SAMM50: variants seen among roughly 807,000 people sequenced by gnomAD.
The protein encoded by SAMM50 is SAMM50 sorting and assembly machinery component.
SAMM50 carries 47 observed loss-of-function variants against 66.9 expected under a neutral mutation model. The observed-to-expected ratio is 0.70, with a 90% CI of 0.56 to 0.90. SAMM50 has a LOEUF of 0.90. Among genes scored for constraint, SAMM50 ranks in the 40% least tolerant of loss-of-function variants. The probability of loss-of-function intolerance (pLI) is 0.00; values close to 1 mark genes in which losing one functional copy is unlikely to be tolerated. For missense variants in SAMM50, 535 were observed against 595.3 expected (o/e 0.90, Z 1.05); for synonymous variants, 191 against 214.1 (o/e 0.89, Z 0.94).
chr22:43,978,094 G>A (rs1052836332), intron 10 of SAMM50, 136 bp downstream of exon 10: 2 of 602,508 alleles, frequency 3.3e-6, no homozygotes, highest in South Asian at 4.2e-5. Flanking sequence ...GATGTTTCCA[G>A]TTTAGCCAGA....
chr22:43,991,663 G>A (rs2050325694), intron 14 of SAMM50, among the ~76,000 whole-genome samples: 1 of 152,208 alleles, frequency 6.6e-6, no homozygotes, highest in Non-Finnish European at 1.5e-5. Context: ...GAGTATTTAA[G>A]AGTGACTTAA....
At chr22:43,962,799 C>T (rs964752744) in intron 1 of SAMM50, among the ~76,000 whole-genome samples, 2 of 150,506 alleles carry the variant, frequency 1.3e-5, no homozygotes, top group Non-Finnish European at 2.9e-5. Context: ...TTCCATCGGG[C>T]CTCAGATGTC....
intron 12 of SAMM50, chr22:43,988,416 T>C (rs1401658769): frequency 6.6e-6 from 1 of 152,250 alleles, no homozygotes; most frequent in Non-Finnish European, 1.5e-5. Context: ...AATGGTATTT[T>C]GCAACAAAGT....
At chr22:43,969,017 C>CTTGCTGTA (rs1337704463) in intron 4 of SAMM50, among the ~76,000 whole-genome samples, 199 bp downstream of exon 4, 1 of 152,140 alleles carries the variant, frequency 6.6e-6, no homozygotes, top group Non-Finnish European at 1.5e-5. Context: ...GGAGAGGGGT[C>CTTGCTGTA]TTGCTGTATT....
intron 4 of SAMM50, among the ~76,000 whole-genome samples, chr22:43,970,644 C>T (rs1403415989): frequency 1.3e-5 from 2 of 151,976 alleles, no homozygotes; most frequent in Non-Finnish European, 2.9e-5. Context: ...ACCACACATG[C>T]GAGGTGTTAG....
At chr22:43,976,496 G>C (rs2050233036) in intron 8 of SAMM50, among the ~76,000 whole-genome samples, 1 of 152,320 alleles carries the variant, frequency 6.6e-6, no homozygotes, top group Admixed American at 6.5e-5. Context: ...CGAACCCGGT[G>C]GTGGGTGTTC....
intron 14 of SAMM50, among the ~76,000 whole-genome samples, chr22:43,994,238 G>T (rs966727929): frequency 1.3e-5 from 2 of 152,184 alleles, no homozygotes; most frequent in Non-Finnish European, 2.9e-5. Flanking sequence ...GGCGGGCACC[G>T]GGCAGAACCG....
intron 12 of SAMM50, among the ~76,000 whole-genome samples, chr22:43,985,417 T>C (rs962672931): frequency 1.3e-5 from 2 of 152,042 alleles, no homozygotes; most frequent in East Asian, 3.8e-4. Flanking sequence ...AGTTTTGCCT[T>C]TTCCAGACAG....
At chr22:43,972,833 A>G (rs775718774) in intron 5 of SAMM50, 38 bp from the exon 6 acceptor site, 151 of 1,570,238 alleles carry the variant, frequency 9.6e-5, no homozygotes, top group Middle Eastern at 1.7e-4. Context: ...CATTCCTTCA[A>G]TGTAGACCAC....
intron 1 of SAMM50, among the ~76,000 whole-genome samples, chr22:43,958,014 A>T (rs1290433306): frequency 6.6e-6 from 1 of 152,162 alleles, no homozygotes; most frequent in Non-Finnish European, 1.5e-5. Context: ...CGGCCTTCCA[A>T]AGTGCTGAGA....
At chr22:43,959,847 T>G (rs149067517) in intron 1 of SAMM50, among the ~76,000 whole-genome samples, 242 of 152,286 alleles carry the variant, frequency 1.6e-3, no homozygotes, top group African/African-American at 5.3e-3. Flanking sequence ...TACTAATATT[T>G]TGATTAAAGT....
At chr22:43,984,821 G>A (rs992678251) in intron 12 of SAMM50, among the ~76,000 whole-genome samples, 5 of 151,464 alleles carry the variant, frequency 3.3e-5, no homozygotes, top group African/African-American at 7.3e-5. Flanking sequence ...TAGTAGAGAC[G>A]GGGTTTCATT....
At chr22:43,977,636 C>T (rs911420042) in intron 9 of SAMM50, among the ~76,000 whole-genome samples, 1 of 152,186 alleles carries the variant, frequency 6.6e-6, no homozygotes, top group African/African-American at 2.4e-5. Context: ...GCCAGTGCTC[C>T]CTGCACACAG....
At chr22:43,984,912 G>C (rs983292382) in intron 12 of SAMM50, among the ~76,000 whole-genome samples, 1 of 152,016 alleles carries the variant, frequency 6.6e-6, no homozygotes, top group African/African-American at 2.4e-5. Flanking sequence ...TTACAGATGT[G>C]AGCCACTGCG....
At chr22:43,966,135 G>T (rs1472010364) in intron 3 of SAMM50, among the ~76,000 whole-genome samples, 1 of 152,044 alleles carries the variant, frequency 6.6e-6, no homozygotes, top group Non-Finnish European at 1.5e-5. Flanking sequence ...CACCTCACCT[G>T]GCCCTCTACA....
At chr22:43,974,047 C>T (rs12330016) in intron 7 of SAMM50, among the ~76,000 whole-genome samples, 8,121 of 151,782 alleles carry the variant, frequency 0.054, 244 homozygotes, top group Middle Eastern at 0.078. Context: ...TCCTTCCTTT[C>T]GCCACTGTTC....
intron 3 of SAMM50, among the ~76,000 whole-genome samples, chr22:43,968,163 G>A (rs1469329665): frequency 6.7e-6 from 1 of 148,894 alleles, no homozygotes; most frequent in Non-Finnish European, 1.5e-5. Flanking sequence ...GGAGGCAGAG[G>A]TTGCAGTGAG....
At chr22:43,987,577 G>A (rs2050300866) in intron 12 of SAMM50, 1 of 152,220 alleles carries the variant, frequency 6.6e-6, no homozygotes, top group Admixed American at 6.5e-5. Flanking sequence ...TGGTTTCTTG[G>A]TCCTGGTGCT....
chr22:43,995,058 C>G (rs1395516939), intron 14 of SAMM50, among the ~76,000 whole-genome samples: 3 of 152,138 alleles, frequency 2.0e-5, no homozygotes, highest in Non-Finnish European at 2.9e-5. Context: ...CTGAACACAA[C>G]TAAATGGTAC....
Sources: allele counts gnomAD v4.1 joint callset (sites outside exome capture counted in the v4.1 genomes callset), GRCh38; gene constraint gnomAD v4.1.1; transcripts MANE v1.5; gene names NCBI Gene and HGNC (gene_info 2026-07-23, HGNC 2026-07-21).